Variants in CSMD1 observed in about 807,000 individuals in gnomAD.
CSMD1 encodes CUB and sushi domain-containing protein 1.
CSMD1 carries 213 observed loss-of-function variants against 417.5 expected under a neutral mutation model. The observed-to-expected ratio is 0.51, with a 90% CI of 0.46 to 0.57. CSMD1 has a LOEUF of 0.57. Among genes scored for constraint, CSMD1 ranks in the 20% least tolerant of loss-of-function variants. CSMD1 has a pLI of 0.00. For synonymous variants in CSMD1, 2,862 were observed against 1,736.8 expected (o/e 1.65, Z -16.11); for missense variants, 6,923 against 4,529.7 (o/e 1.53, Z -15.17).
At chr8:4,047,308 G>A (rs1171723144) in intron 3 of CSMD1, among the ~76,000 whole-genome samples, 1 of 152,060 alleles carries the variant, frequency 6.6e-6, no homozygotes. Context: ...GACATAAAGT[G>A]GAATATTCTG....
intron 11 of CSMD1, among the ~76,000 whole-genome samples, chr8:3,476,474 ATGAT>A (rs1817430710): frequency 6.6e-6 from 1 of 152,184 alleles, no homozygotes; most frequent in Admixed American, 6.5e-5. Flanking sequence ...TCTGGGCCAT[ATGAT>A]TGATGTATAT....
intron 4 of CSMD1, among the ~76,000 whole-genome samples, chr8:4,003,979 G>A (rs767003194): frequency 6.6e-6 from 1 of 152,008 alleles, no homozygotes; most frequent in Admixed American, 6.5e-5. Flanking sequence ...AAAACATTCA[G>A]AGACTCAGAA....
Position 3,314,980 on chromosome 8 carries a change from A to G in CSMD1, c.3632-6477T>C, listed in dbSNP as rs149696311. ...TCATGCTCAGGTGAGCTCTGAAAAC[A>G]TAACTGAAGAAAAGGAATACTGGTC... is the stretch of plus-strand genomic sequence containing the variant. On this transcript the variant is annotated intron_variant, in intron 23 of 69. Coordinates refer to ENST00000635120, the MANE Select transcript of CSMD1 (RefSeq NM_033225.6). Among the ~76,000 whole-genome samples, 3 of 152,352 alleles carry G rather than the reference A, an allele frequency of 2.0e-5. No individual in the cohort carries two copies. The East Asian group carries it at 5.8e-4, about 29-fold the overall frequency.
At chr8:4,724,275 T>C (rs770897189) in intron 1 of CSMD1, among the ~76,000 whole-genome samples, 1 of 152,092 alleles carries the variant, frequency 6.6e-6, no homozygotes, top group East Asian at 1.9e-4. Flanking sequence ...TACTGATATA[T>C]AAGCTATGTC....
At chr8:3,578,047 G>C (rs911219864) in intron 9 of CSMD1, among the ~76,000 whole-genome samples, 1 of 152,108 alleles carries the variant, frequency 6.6e-6, no homozygotes, top group Admixed American at 6.5e-5. Context: ...ACCTGGGCCA[G>C]GAAAGCTTAC....
At chr8:4,045,336 G>T (rs1262551160) in intron 3 of CSMD1, among the ~76,000 whole-genome samples, 1 of 152,178 alleles carries the variant, frequency 6.6e-6, no homozygotes, top group African/African-American at 2.4e-5. Context: ...ACCATCAATT[G>T]TGTATGATAT....
intron 3 of CSMD1, among the ~76,000 whole-genome samples, chr8:4,216,673 G>C (rs11775073): frequency 6.6e-5 from 10 of 152,100 alleles, no homozygotes; most frequent in African/African-American, 2.4e-4. Context: ...GTGAAGGGAA[G>C]CTTCTCATGT....
intron 3 of CSMD1, among the ~76,000 whole-genome samples, chr8:4,100,597 T>G (rs1230925089): frequency 6.6e-6 from 1 of 152,176 alleles, no homozygotes; most frequent in Non-Finnish European, 1.5e-5. Context: ...TGGTAAGAGC[T>G]CAAAATATAC....
chr8:4,056,906 G>A (rs978432306), intron 3 of CSMD1, among the ~76,000 whole-genome samples: 2 of 152,188 alleles, frequency 1.3e-5, no homozygotes, highest in African/African-American at 4.8e-5. Context: ...TAGAGTATAT[G>A]TGCCACACTT....
At chr8:4,458,461 G>A (rs1055108657) in intron 2 of CSMD1, among the ~76,000 whole-genome samples, 5 of 152,122 alleles carry the variant, frequency 3.3e-5, no homozygotes, top group African/African-American at 9.7e-5. Flanking sequence ...TTAAAGTTAT[G>A]TGTAACTACT....
At chr8:3,995,183 C>A (rs569522969) in intron 5 of CSMD1, among the ~76,000 whole-genome samples, 6 of 152,182 alleles carry the variant, frequency 3.9e-5, no homozygotes, top group Admixed American at 2.0e-4. Flanking sequence ...TAAAAGGGTA[C>A]TTCAAATTAT....
chr8:3,391,862 G>C (rs1022752761), intron 17 of CSMD1, among the ~76,000 whole-genome samples: 1 of 152,150 alleles, frequency 6.6e-6, no homozygotes, highest in Non-Finnish European at 1.5e-5. Context: ...AAAGCAAGGA[G>C]TGTTTATAAT....
At chr8:3,551,218 G>A (rs1214980790) in intron 10 of CSMD1, among the ~76,000 whole-genome samples, 1 of 152,128 alleles carries the variant, frequency 6.6e-6, no homozygotes, top group Non-Finnish European at 1.5e-5. Flanking sequence ...ATTACTTAAA[G>A]TTTCTAAAGC....
Position 4,031,382 on chromosome 8 carries a change from G to A in CSMD1, c.610+523C>T, listed in dbSNP as rs1054417024. ...ATCACGTCTTACATGCATGGCAGCA[G>A]GCAAAGAGAGAGCTTGTGCAGGGGA... On this transcript the variant is annotated intron_variant, in intron 4 of 69. Transcript: ENST00000635120. Among the ~76,000 whole-genome samples the A allele has an allele frequency of 4.6e-5, 7 of 152,306 alleles. No individual in the cohort carries two copies. The South Asian group carries it at 1.2e-3, about 27-fold the overall frequency.
intron 5 of CSMD1, among the ~76,000 whole-genome samples, chr8:3,848,226 C>A (rs936970695): frequency 6.6e-6 from 1 of 152,152 alleles, no homozygotes; most frequent in East Asian, 1.9e-4. Flanking sequence ...GGACATTGAT[C>A]CTGCCCTTAA....
intron 1 of CSMD1, among the ~76,000 whole-genome samples, chr8:4,820,765 G>A (rs541533319): frequency 2.6e-5 from 4 of 152,248 alleles, no homozygotes; most frequent in South Asian, 4.1e-4. Context: ...ATTTATTCCT[G>A]TTTTTCCCAC....
chr8:4,814,051 G>A (rs1463282757), intron 1 of CSMD1, among the ~76,000 whole-genome samples: 2 of 152,220 alleles, frequency 1.3e-5, no homozygotes, highest in Non-Finnish European at 2.9e-5. Flanking sequence ...GTAATGTACA[G>A]TTTTGATGGC....
intron 1 of CSMD1, among the ~76,000 whole-genome samples, chr8:4,833,706 G>A (rs925463897): frequency 6.6e-6 from 1 of 152,168 alleles, no homozygotes; most frequent in African/African-American, 2.4e-5. Flanking sequence ...TCTAGTGGAA[G>A]GAGGGTGACT....
At chr8:3,945,814 C>G (rs769936834) in intron 5 of CSMD1, among the ~76,000 whole-genome samples, 1 of 152,084 alleles carries the variant, frequency 6.6e-6, no homozygotes, top group Non-Finnish European at 1.5e-5. Context: ...CACACCAACA[C>G]ACACATGAGG....
Sources: gnomAD v4.1 joint callset for allele counts (sites outside exome capture counted in the v4.1 genomes callset) on GRCh38, gnomAD v4.1.1 for gene constraint, MANE v1.5 for transcripts, NCBI Gene and HGNC (gene_info 2026-07-23, HGNC 2026-07-21) for gene names.